MAP4K5: variants seen among roughly 807,000 people sequenced by gnomAD.
MAP4K5 encodes mitogen-activated protein kinase kinase kinase kinase 5.
A neutral mutation model predicts 135.6 loss-of-function variants in MAP4K5; 82 were observed. That is an observed-to-expected ratio of 0.60 (90% CI 0.51 to 0.73). The LOEUF (loss-of-function observed/expected upper bound fraction) is 0.73. MAP4K5 is among the 30% of genes least tolerant of loss of function. The probability of loss-of-function intolerance (pLI) is 0.00; values close to 1 mark genes in which losing one functional copy is unlikely to be tolerated. For missense variants in MAP4K5, 907 were observed against 1,010.9 expected, an observed-to-expected ratio of 0.90 and a Z score of 1.39; for synonymous variants, 347 against 335.0, an observed-to-expected ratio of 1.04 and a Z score of -0.39.
chr14:50,468,855 C>G, intron 9 of MAP4K5, 73 bp from the exon 10 acceptor site: 1 of 1,408,676 alleles, frequency 7.1e-7, no homozygotes. Flanking sequence ...CTGTTATAAT[C>G]ACCAGACTTG....
At chr14:50,473,871 C>T (rs1373290158) in intron 9 of MAP4K5, among the ~76,000 whole-genome samples, 2 of 151,810 alleles carry the variant, frequency 1.3e-5, no homozygotes, top group Non-Finnish European at 2.9e-5. Context: ...CTACAGGCAC[C>T]TGCCACGACG....
chr14:50,543,244 T>C (rs2038588849), intron 1 of MAP4K5, among the ~76,000 whole-genome samples: 1 of 152,144 alleles, frequency 6.6e-6, no homozygotes, highest in Non-Finnish European at 1.5e-5. Flanking sequence ...CACTATGGAG[T>C]GATTAATCTG....
rs765034319 is a variant in MAP4K5 at position 50,475,164 on chromosome 14, A to C, written c.470-15T>G. 2 of 1,611,966 alleles carry C rather than the reference A, an allele frequency of 1.2e-6. No homozygotes were observed. Among genetic ancestry groups the C allele is most frequent in the Admixed American group, 3.3e-5 (2 of 59,998 alleles). On this transcript the variant is annotated splice_polypyrimidine_tract_variant and intron_variant, in intron 8 of 32. Coordinates refer to ENST00000682126, the MANE Select transcript of MAP4K5 (RefSeq NM_006575.6). ...ACCAAAGTCAGCTAGTGAGGAAAAA[A>C]ACAGAAAATTTTAGTTCTTTACAAT... is the stretch of plus-strand genomic sequence containing the variant.
intron 9 of MAP4K5, 35 bp downstream of exon 9, chr14:50,475,042 A>C (rs2037064410): frequency 6.4e-7 from 1 of 1,553,538 alleles, no homozygotes. Context: ...TGAAGAAATG[A>C]AAATGGATCA....
At chr14:50,543,497 A>T (rs2038591807) in intron 1 of MAP4K5, among the ~76,000 whole-genome samples, 2 of 152,240 alleles carry the variant, frequency 1.3e-5, no homozygotes, top group South Asian at 4.1e-4. Context: ...TGTATCACAA[A>T]TATCTTTGAG....
intron 23 of MAP4K5, among the ~76,000 whole-genome samples, chr14:50,439,711 G>A (rs74865793): frequency 1.3e-5 from 2 of 152,154 alleles, no homozygotes; most frequent in Non-Finnish European, 2.9e-5. Context: ...AGGAGGCCAG[G>A]AGTGGTGACA....
chr14:50,507,559 A>G lies in MAP4K5; in HGVS notation c.109-2702T>C, dbSNP rs559412967. ...TCTGGTATGTTGTGTCTTTGTTCTC[A>G]TTGGTTTCAAAGAACATCTTTATTT... On this transcript the variant is annotated intron_variant, in intron 2 of 32. Coordinates refer to ENST00000682126, the MANE Select transcript of MAP4K5 (RefSeq NM_006575.6). Among the ~76,000 whole-genome samples, 682 of 152,174 alleles carry G rather than the reference A, an allele frequency of 4.5e-3. 6 individuals carry two copies. The highest frequency in any genetic ancestry group is 8.0e-3 in the Non-Finnish European group (544 of 68,012).
In MAP4K5 at chr14:50,428,270, C is replaced by CT. The variant is rs761504784; in HGVS notation, c.2326+391dup. Reference sequence around the variant, plus strand: ...GAGCACAGATAGAGAACATTTCTATCTTTTTTTTTTTTCTTGCTCTTGTTG... The same window carrying CT: ...GAGCACAGATAGAGAACATTTCTATCTTTTTTTTTTTTTCTTGCTCTTGTTG... On this transcript the variant is annotated intron_variant, in intron 30 of 32. Coordinates refer to ENST00000682126, the MANE Select transcript of MAP4K5 (RefSeq NM_006575.6). Among the ~76,000 whole-genome samples, 71 of 147,772 alleles carry CT rather than the reference C, an allele frequency of 4.8e-4. 2 individuals are homozygous for CT. The highest frequency in any genetic ancestry group is 2.6e-3 in the East Asian group (13 of 5,084).
At position 50,419,932 on chromosome 14, in the gene MAP4K5, C is replaced by A; in HGVS notation, c.*87G>T. The A allele has an allele frequency of 1.1e-6, 1 of 891,272 alleles. No individual in the cohort carries two copies. Among genetic ancestry groups the A allele is most frequent in the Non-Finnish European group, 1.8e-6 (1 of 547,130 alleles). The allele number at this position is 891,272 out of a possible 1,614,324, so 55.2% of individuals were successfully genotyped here. On this transcript the variant is annotated 3_prime_UTR_variant, in exon 33 of 33. Transcript: ENST00000682126. ...ATAACCCATAATAGTTAAAGCAAAT[C>A]ATAGTGCAGTTTGTATTGAATTTCC... is the stretch of plus-strand genomic sequence containing the variant.
intron 1 of MAP4K5, among the ~76,000 whole-genome samples, chr14:50,555,178 C>CA (rs1480046544): frequency 1.3e-5 from 2 of 152,186 alleles, no homozygotes; most frequent in Non-Finnish European, 2.9e-5. Context: ...TGTGAATGCC[C>CA]ACACTAGAGC....
chr14:50,438,322 A>G (rs754884228), intron 23 of MAP4K5: 3 of 308,306 alleles, frequency 9.7e-6, no homozygotes, highest in Non-Finnish European at 1.8e-5. Context: ...ATCTTATGTT[A>G]TGGACTGAGT....
chr14:50,528,560 A>G (rs923197855), intron 2 of MAP4K5, among the ~76,000 whole-genome samples: 3 of 151,446 alleles, frequency 2.0e-5, no homozygotes, highest in Admixed American at 2.0e-4. Flanking sequence ...TTTACATTAA[A>G]AAAAAAAAAA....
At chr14:50,464,759 A>G (rs982231471) in intron 11 of MAP4K5, among the ~76,000 whole-genome samples, 1 of 152,248 alleles carries the variant, frequency 6.6e-6, no homozygotes, top group Non-Finnish European at 1.5e-5. Context: ...AAGGTATGAA[A>G]TAACCGTATT....
At chr14:50,511,640 T>C (rs1472263453) in intron 2 of MAP4K5, among the ~76,000 whole-genome samples, 1 of 152,178 alleles carries the variant, frequency 6.6e-6, no homozygotes, top group Non-Finnish European at 1.5e-5. Context: ...AAATTTTATG[T>C]ATCGAAACAT....
rs1194543819 is a variant in MAP4K5 at position 50,456,713 on chromosome 14, C to T, written c.937-119G>A. 9.1e-6 allele frequency: 6 copies of T among 658,904 alleles called. No homozygotes were observed. In the East Asian group the frequency reaches 1.7e-4, roughly 19 times the overall value. 40.8% of individuals were successfully genotyped at this position (658,904 alleles called of 1,614,324 possible). ...ATCTACTAGTAAATTATAGGATAAACATAAAACAAATACAATGAACGCTAC... is the reference window on the plus strand; with the variant it reads ...ATCTACTAGTAAATTATAGGATAAATATAAAACAAATACAATGAACGCTAC... On this transcript the variant is annotated intron_variant, in intron 13 of 32. Transcript: ENST00000682126.
intron 3 of MAP4K5, among the ~76,000 whole-genome samples, chr14:50,499,416 G>T (rs1291933956): frequency 6.6e-6 from 1 of 152,152 alleles, no homozygotes; most frequent in Non-Finnish European, 1.5e-5. Flanking sequence ...CCAGCACTTT[G>T]GGAGGCCTAG....
chr14:50,528,534 ACAGG>A (rs1478370856), intron 2 of MAP4K5, among the ~76,000 whole-genome samples: 1 of 151,766 alleles, frequency 6.6e-6, no homozygotes, highest in Non-Finnish European at 1.5e-5. Context: ...CTTGGGCAAC[ACAGG>A]AAGACCCTGT....
At chr14:50,475,804 T>TA (rs1267911258) in intron 8 of MAP4K5, among the ~76,000 whole-genome samples, 1 of 152,246 alleles carries the variant, frequency 6.6e-6, no homozygotes, top group African/African-American at 2.4e-5. Context: ...ATGTTACTCT[T>TA]ACACATTCAT....
rs767998410 is a variant in MAP4K5 at position 50,440,055 on chromosome 14, T to C, written c.1663A>G (p.Thr555Ala). The C allele has an allele frequency of 1.3e-6, 2 of 1,533,704 alleles. No individual in the cohort carries two copies. Among genetic ancestry groups the C allele is most frequent in the South Asian group, 2.4e-5 (2 of 83,254 alleles). Residue 555 changes from threonine to alanine, a missense_variant, in exon 23 of 33, where the codon ACT (threonine) becomes GCT (alanine). By Grantham distance (58) the Thr-to-Ala change is moderately conservative. Transcript: ENST00000682126. ...TMEQLFPRKC[T>A]WLYVINNTLM... The stretch of plus-strand genomic sequence containing the variant: ...GTATTATTGATAACATACAGCCAAG[T>C]ACACTTCCGTGGAAATAACTAAGAA...
Sources: allele counts gnomAD v4.1 joint callset (sites outside exome capture counted in the v4.1 genomes callset), GRCh38; gene constraint gnomAD v4.1.1; transcripts MANE v1.5; gene names NCBI Gene and HGNC (gene_info 2026-07-23, HGNC 2026-07-21).